The following CAB39 variants were observed in gnomAD, a reference collection of about 807,000 sequenced individuals.
CAB39 encodes the protein calcium binding protein 39, also known as calcium-binding protein 39.
Under a neutral mutation model 40.0 loss-of-function variants are expected in CAB39, and 8 were observed. The observed-to-expected ratio is 0.20, with a 90% CI of 0.12 to 0.36. CAB39 has a LOEUF of 0.36. Ranked by LOEUF, CAB39 falls within the 10% of genes least tolerant of loss-of-function variation. The pLI is 1.00. For synonymous variants in CAB39, 156 were observed against 141.6 expected (o/e 1.10, Z -0.72); for missense variants, 270 against 401.1 (o/e 0.67, Z 2.79).
intron 1 of CAB39, among the ~76,000 whole-genome samples, chr2:230,742,203 C>T (rs1442523581): frequency 6.6e-6 from 1 of 151,990 alleles, no homozygotes; most frequent in African/African-American, 2.4e-5. Flanking sequence ...GAGATGGAGT[C>T]TTGCTCTGTC....
At chr2:230,769,525 C>T (rs1695446631) in intron 2 of CAB39, among the ~76,000 whole-genome samples, 1 of 152,124 alleles carries the variant, frequency 6.6e-6, no homozygotes, top group African/African-American at 2.4e-5. Context: ...AGAAAAAGGT[C>T]TCAGTACATT....
chr2:230,752,359 T>G (rs1036259680), intron 1 of CAB39: 13 of 151,880 alleles, frequency 8.6e-5, no homozygotes, highest in Non-Finnish European at 1.6e-4. Flanking sequence ...AATATACGAG[T>G]CTGGGTAATT....
At position 230,802,508 on chromosome 2, in the gene CAB39, G is replaced by A. The variant is rs6751400; in HGVS notation, c.567+3611G>A. Among the ~76,000 whole-genome samples, 1,208 of 152,036 alleles carry A rather than the reference G, an allele frequency of 7.9e-3. 10 individuals carry two copies. Among genetic ancestry groups the A allele is most frequent in the Non-Finnish European group, 0.013 (866 of 67,992 alleles). ...AAAAGATCAACAAAATTGATAGACC[G>A]CTAGCAAGACTAATAAAAAAGAAGA... On this transcript the variant is annotated intron_variant, in intron 5 of 8. Coordinates refer to ENST00000258418, the MANE Select transcript of CAB39 (RefSeq NM_016289.4).
intron 1 of CAB39, among the ~76,000 whole-genome samples, chr2:230,727,554 A>G (rs1240237414): frequency 6.6e-6 from 1 of 151,414 alleles, no homozygotes; most frequent in Non-Finnish European, 1.5e-5. Context: ...GGCTGGGACT[A>G]CAGGTGTGCA....
chr2:230,721,240 G>A (rs1025191533), intron 1 of CAB39, among the ~76,000 whole-genome samples: 2 of 152,172 alleles, frequency 1.3e-5, no homozygotes, highest in African/African-American at 4.8e-5. Context: ...AGACCTGCCT[G>A]GCCAACGTGG....
In CAB39 at chr2:230,819,078, T is replaced by C. The variant is rs987629094; in HGVS notation, c.*374T>C. On this transcript the variant is annotated 3_prime_UTR_variant, in exon 9 of 9. Transcript: ENST00000258418. The stretch of plus-strand genomic sequence containing the variant: ...ATCTTTGTTGGCGATCTGAGTGCAG[T>C]GTGGCAAGTGCACACCTGGCATCCC... 6.1e-6 allele frequency: 1 copy of C among 163,706 alleles called. No homozygotes were observed. The highest frequency in any genetic ancestry group is 1.3e-5 in the Non-Finnish European group (1 of 75,078). 10.1% of individuals were successfully genotyped at this position (163,706 alleles called of 1,614,324 possible).
chr2:230,813,431 T>C (rs758128494), intron 6 of CAB39, among the ~76,000 whole-genome samples: 10 of 152,120 alleles, frequency 6.6e-5, no homozygotes, highest in Non-Finnish European at 1.2e-4. Context: ...CAGATTCTCT[T>C]TTCTCCCCTC....
intron 1 of CAB39, among the ~76,000 whole-genome samples, chr2:230,753,557 A>G (rs1410235802): frequency 6.6e-6 from 1 of 152,120 alleles, no homozygotes; most frequent in Admixed American, 6.5e-5. Flanking sequence ...GTTCAAGACC[A>G]GCCTGGCCAA....
At chr2:230,815,431 C>A (rs2124985874) in intron 7 of CAB39, among the ~76,000 whole-genome samples, 1 of 152,280 alleles carries the variant, frequency 6.6e-6, no homozygotes, top group Non-Finnish European at 1.5e-5. Flanking sequence ...TTCCTGGGGC[C>A]TCTCCTGCTC....
intron 1 of CAB39, among the ~76,000 whole-genome samples, chr2:230,750,231 G>A (rs1216255777): frequency 6.6e-6 from 1 of 152,176 alleles, no homozygotes; most frequent in East Asian, 1.9e-4. Flanking sequence ...ATCTTTAAGA[G>A]GTGATTAGGT....
chr2:230,725,647 A>G (rs539220415), intron 1 of CAB39, among the ~76,000 whole-genome samples: 20 of 152,296 alleles, frequency 1.3e-4, no homozygotes, highest in South Asian at 6.2e-4. Context: ...GCAACCTACC[A>G]TGCTGCCTCT....
intron 1 of CAB39, chr2:230,725,278 G>C: frequency 6.3e-7 from 1 of 1,576,564 alleles, no homozygotes; most frequent in Non-Finnish European, 8.7e-7. Flanking sequence ...GGACAACGTA[G>C]GCCTTGTCAA....
At position 230,814,082 on chromosome 2, in the gene CAB39, G is replaced by A. The variant is rs1696356513; in HGVS notation, c.661G>A (p.Glu221Lys). 3.0e-6 allele frequency: 4 copies of A among 1,335,144 alleles called. No homozygotes were observed. In the South Asian group the frequency reaches 3.7e-5, roughly 12 times the overall value. 82.7% of individuals were successfully genotyped at this position (1,335,144 alleles called of 1,614,324 possible). ...FSEYEKLLHS[E>K]NYVTKRQSLK... is the part of the protein sequence containing the mutation. ...TGAATATGAGAAGTTACTTCATTCAGAAAATTATGTGACAAAAAGACAGTC... is the reference window on the plus strand; with the variant it reads ...TGAATATGAGAAGTTACTTCATTCAAAAAATTATGTGACAAAAAGACAGTC... Residue 221 changes from glutamate (E) to lysine (K), a missense_variant, in exon 7 of 9, where the codon GAA (glutamate) becomes AAA (lysine). Glu to Lys is a moderately conservative substitution (Grantham distance 56, BLOSUM62 1). Coordinates refer to ENST00000258418, the MANE Select transcript of CAB39 (RefSeq NM_016289.4).
At chr2:230,726,058 A>C (rs563601466) in intron 1 of CAB39, among the ~76,000 whole-genome samples, 36 of 152,232 alleles carry the variant, frequency 2.4e-4, no homozygotes, top group Non-Finnish European at 4.7e-4. Context: ...GAAAGAATGC[A>C]TAGTTCTTCC....
chr2:230,801,997 G>A (rs1696098815), intron 5 of CAB39, among the ~76,000 whole-genome samples: 1 of 151,996 alleles, frequency 6.6e-6, no homozygotes, highest in South Asian at 2.1e-4. Context: ...GAGATGGAGA[G>A]GGGCATTAGA....
At chr2:230,748,898 T>G (rs1256428320) in intron 1 of CAB39, among the ~76,000 whole-genome samples, 1 of 130,258 alleles carries the variant, frequency 7.7e-6, no homozygotes, top group Non-Finnish European at 1.6e-5. Flanking sequence ...CTATCCACAC[T>G]TATTAGCTAT....
Position 230,785,907 on chromosome 2 carries a change from G to A in CAB39, c.115-4965G>A, listed in dbSNP as rs1306221597. 2.0e-5 allele frequency among the ~76,000 whole-genome samples: 3 copies of A among 151,288 alleles called. No homozygotes were observed. In the East Asian group the frequency reaches 5.9e-4, roughly 30 times the overall value. On this transcript the variant is annotated intron_variant, in intron 2 of 8. Coordinates refer to ENST00000258418, the MANE Select transcript of CAB39 (RefSeq NM_016289.4). ...TGGCCGGGCGCGGTGGCTCACACCT[G>A]TAATCCCAGCACTTTGGGAGGCCGA... is the stretch of plus-strand genomic sequence containing the variant.
chr2:230,716,151 A>G (rs1694346290), intron 1 of CAB39, among the ~76,000 whole-genome samples: 1 of 152,256 alleles, frequency 6.6e-6, no homozygotes. Context: ...ATGAAGTAAG[A>G]TGCTGAGTAA....
At chr2:230,789,882 C>T (rs947097422) in intron 2 of CAB39, among the ~76,000 whole-genome samples, 1 of 152,198 alleles carries the variant, frequency 6.6e-6, no homozygotes, top group Non-Finnish European at 1.5e-5. Context: ...AAGTTTCCCT[C>T]ATTTGTTTCC....
Sources: gnomAD v4.1 joint callset for allele counts (sites outside exome capture counted in the v4.1 genomes callset) on GRCh38, gnomAD v4.1.1 for gene constraint, MANE v1.5 for transcripts, NCBI Gene and HGNC (gene_info 2026-07-23, HGNC 2026-07-21) for gene names.